The following CACNA1H variants were observed in gnomAD, a reference collection of about 807,000 sequenced individuals.
CACNA1H encodes calcium voltage-gated channel subunit alpha1 H.
CACNA1H carries 149 observed loss-of-function variants against 192.5 expected under a neutral mutation model. The ratio of observed to expected loss-of-function variants is 0.77; its 90% CI spans 0.68 to 0.89. The LOEUF is 0.89. CACNA1H is among the 40% of genes least tolerant of loss of function. The pLI, the probability that CACNA1H is intolerant of heterozygous loss-of-function variation, is 0.00. For missense variants in CACNA1H, 4,257 were observed against 3,423.5 expected (o/e 1.24, Z -6.08); for synonymous variants, 2,202 against 1,475.2 (o/e 1.49, Z -11.29).
intron 2 of CACNA1H, among the ~76,000 whole-genome samples, chr16:1,165,458 CAG>C (rs1428250243): frequency 2.0e-5 from 3 of 152,210 alleles, no homozygotes; most frequent in African/African-American, 4.8e-5. Flanking sequence ...CCTATGGTCT[CAG>C]GGAGCCGCGT....
rs763743430 is a variant in CACNA1H at position 1,209,256 on chromosome 16, C to T, written c.3588C>T (p.Ala1196=). 21 of 1,546,320 alleles carry T rather than the reference C, an allele frequency of 1.4e-5. No homozygotes were observed. Among genetic ancestry groups the T allele is most frequent in the South Asian group, 2.4e-5 (2 of 84,704 alleles). Residue 1196 remains alanine, a synonymous_variant, in exon 17 of 35, where the codon GCC becomes GCT. Transcript: ENST00000348261. ...CCCGTGCCACCCCACTGCGGCGGGC[C>T]GAGTCCCTGGACCCACGGCCCCTGC... ...PGPRATPLRR[A]ESLDPRPLRP... is the part of the protein sequence containing the mutation.
chr16:1,206,729 G>GTC (rs1417297100), intron 12 of CACNA1H: 6 of 480,176 alleles, frequency 1.2e-5, no homozygotes, highest in Non-Finnish European at 2.2e-5. Context: ...GGTTCCAGTT[G>GTC]CCACCCAAAT....
intron 30 of CACNA1H, among the ~76,000 whole-genome samples, chr16:1,215,827 C>T (rs983063039): frequency 1.8e-4 from 28 of 152,196 alleles, no homozygotes; most frequent in Non-Finnish European, 2.9e-4. Context: ...GGGGCCCCCT[C>T]CCCGGTGCAC....
chr16:1,209,106 C>G lies in CACNA1H; in HGVS notation c.3438C>G (p.Ser1146Arg). Residue 1146 changes from serine to arginine, a missense_variant, in exon 17 of 35, where the codon AGC (serine) becomes AGG (arginine). Transcript: ENST00000348261. ...GGAGCAGCCGGCGCTCCAGCTGGAG[C>G]AGCCTGGGCCGTGCCCCCAGCCTCA... ...GAWSSRRSSWSSLGRAPSLKR... is the reference protein window; with the variant it reads ...GAWSSRRSSWRSLGRAPSLKR... 6.5e-7 allele frequency: 1 copy of G among 1,549,848 alleles called. No homozygotes were observed.
chr16:1,202,464 G>GCCCCAC lies in CACNA1H; in HGVS notation c.2002+16_2002+21dup. 6.8e-7 allele frequency: 1 copy of GCCCCAC among 1,472,884 alleles called. No homozygotes were observed. The highest frequency in any genetic ancestry group is 9.0e-7 in the Non-Finnish European group (1 of 1,108,930). The allele number at this position is 1,472,884 out of a possible 1,614,324, so 91.2% of individuals were successfully genotyped here. On this transcript the variant is annotated intron_variant, in intron 9 of 34. Transcript: ENST00000348261. ...GGTCGGGGAGCATGGTGAGGACCCA[G>GCCCCAC]CCCCACCCCACGGAGGAGGCGGTGG...
intron 12 of CACNA1H, 98 bp downstream of exon 12, chr16:1,206,387 C>T (rs763406348): frequency 2.0e-5 from 22 of 1,124,016 alleles, no homozygotes; most frequent in Non-Finnish European, 2.4e-5. Context: ...GGAGCCCTCC[C>T]ACCAGCAGCC....
At chr16:1,189,098 G>T (rs1303899682) in intron 2 of CACNA1H, among the ~76,000 whole-genome samples, 1 of 152,210 alleles carries the variant, frequency 6.6e-6, no homozygotes, top group African/African-American at 2.4e-5. Flanking sequence ...AAGGAGGCTG[G>T]GGGGCTGCCT....
chr16:1,218,961 C>G lies in CACNA1H; in HGVS notation c.5888-9C>G. On this transcript the variant is annotated splice_polypyrimidine_tract_variant and intron_variant, in intron 33 of 34. Coordinates refer to ENST00000348261, the MANE Select transcript of CACNA1H (RefSeq NM_021098.3). ...CAGAGCTGCCAGCTTAGATTCTTCCCTGCCCCAGGCTCCGTTGCCTCTGTG... is the reference window on the plus strand; with the variant it reads ...CAGAGCTGCCAGCTTAGATTCTTCCGTGCCCCAGGCTCCGTTGCCTCTGTG... 3 of 1,549,780 alleles carry G rather than the reference C, an allele frequency of 1.9e-6. No homozygotes were observed. The highest frequency in any genetic ancestry group is 1.2e-5 in the South Asian group (1 of 84,048).
intron 12 of CACNA1H, 68 bp from the exon 13 acceptor site, chr16:1,206,925 CCTCCCGCT>C: frequency 4.8e-6 from 1 of 209,392 alleles, no homozygotes; most frequent in Non-Finnish European, 9.7e-6. Context: ...CTCCCACCCC[CCTCCCGCT>C]CCCCCACCTT....
Position 1,179,388 on chromosome 16 carries a change from G to A in CACNA1H, c.300-15584G>A, listed in dbSNP as rs1031358842. Among the ~76,000 whole-genome samples, 5 of 152,266 alleles carry A rather than the reference G, an allele frequency of 3.3e-5. No homozygotes were observed. In the East Asian group the frequency reaches 5.8e-4, roughly 18 times the overall value. On this transcript the variant is annotated intron_variant, in intron 2 of 34. Transcript: ENST00000348261. The stretch of plus-strand genomic sequence containing the variant: ...CCCCCATGGACTCTCCTGCCCCCGC[G>A]AGGTTGGGGAGGTGGGAGAGCCGAC...
chr16:1,175,857 C>T (rs1964830895), intron 2 of CACNA1H, among the ~76,000 whole-genome samples: 2 of 152,166 alleles, frequency 1.3e-5, no homozygotes, highest in Admixed American at 1.3e-4. Context: ...TGCCAGTGGC[C>T]CCTGCCCGTC....
chr16:1,188,261 C>T (rs953767728), intron 2 of CACNA1H, among the ~76,000 whole-genome samples: 5 of 152,132 alleles, frequency 3.3e-5, no homozygotes, highest in African/African-American at 7.2e-5. Context: ...GCTGATGTTT[C>T]GGGTTGGGGT....
chr16:1,214,740 G>A lies in CACNA1H; in HGVS notation c.4930-232G>A, dbSNP rs528677123. Among the ~76,000 whole-genome samples, 6 of 152,258 alleles carry A rather than the reference G, an allele frequency of 3.9e-5. No homozygotes were observed. In the East Asian group the frequency reaches 1.2e-3, roughly 29 times the overall value. ...GTGGCATTCAGCTGGTCTTGTGGAT[G>A]CTGGGAGGGTACCTTTCACTCATTC... On this transcript the variant is annotated intron_variant, in intron 27 of 34. Transcript: ENST00000348261.
chr16:1,199,891 G>A (rs905695552), intron 6 of CACNA1H, among the ~76,000 whole-genome samples: 1 of 152,056 alleles, frequency 6.6e-6, no homozygotes, highest in South Asian at 2.1e-4. Context: ...TGAGGTCTGA[G>A]CCTGGGTTTC....
intron 27 of CACNA1H, 78 bp from the exon 28 acceptor site, chr16:1,214,894 C>T (rs760788250): frequency 4.3e-5 from 48 of 1,108,352 alleles, no homozygotes; most frequent in Middle Eastern, 2.0e-4. Flanking sequence ...CGGGGGCACT[C>T]GGGCGTGCAG....
At chr16:1,170,907 CAGT>C (rs1001584766) in intron 2 of CACNA1H, among the ~76,000 whole-genome samples, 3 of 152,188 alleles carry the variant, frequency 2.0e-5, no homozygotes, top group African/African-American at 7.2e-5. Context: ...CTGCTTGGCT[CAGT>C]GGTTCCCGTG....
In CACNA1H at chr16:1,215,531, C is replaced by G; in HGVS notation, c.5182C>G (p.Leu1728Val). Reference protein sequence around the residue: ...RVLRIARVLKLLKMATGMRAL... With the variant: ...RVLRIARVLKVLKMATGMRAL... ...TCAGCTCCCGGCCCTAGTGCTGAAG[C>G]TGCTGAAGATGGCTACGGGCATGCG... The change falls in exon 30 of 35, where the codon CTG becomes GTG. Residue 1728 changes from leucine (L) to valine (V), a missense_variant. Physicochemically the swap from Leu to Val is conservative, Grantham distance 32. Coordinates refer to ENST00000348261, the MANE Select transcript of CACNA1H (RefSeq NM_021098.3). 1 of 1,611,690 alleles carries G rather than the reference C, an allele frequency of 6.2e-7. No individual in the cohort carries two copies. The highest frequency in any genetic ancestry group is 8.5e-7 in the Non-Finnish European group (1 of 1,179,500).
intron 12 of CACNA1H, 85 bp downstream of exon 12, chr16:1,206,374 G>A (rs936442814): frequency 7.6e-6 from 10 of 1,314,670 alleles, no homozygotes; most frequent in East Asian, 2.5e-5. Context: ...CCCCGAAGGA[G>A]AAGGAGCCCT....
At chr16:1,199,858 C>T (rs1470909925) in intron 6 of CACNA1H, among the ~76,000 whole-genome samples, 6 of 152,128 alleles carry the variant, frequency 3.9e-5, no homozygotes, top group African/African-American at 1.2e-4. Flanking sequence ...GCCCTTTGCC[C>T]CTCATCCGCT....
Sources: allele counts gnomAD v4.1 joint callset (sites outside exome capture counted in the v4.1 genomes callset), GRCh38; gene constraint gnomAD v4.1.1; transcripts MANE v1.5; gene names NCBI Gene and HGNC (gene_info 2026-07-23, HGNC 2026-07-21).